RYR2: variants seen among roughly 807,000 people sequenced by gnomAD.
The protein encoded by RYR2 is cardiac muscle ryanodine receptor-calcium release channel.
Under a neutral mutation model 601.1 loss-of-function variants are expected in RYR2, and 227 were observed. The observed-to-expected ratio is 0.38, with a 90% CI of 0.34 to 0.42. The LOEUF is 0.42. Among genes scored for constraint, RYR2 ranks in the 10% least tolerant of loss-of-function variants. The probability of loss-of-function intolerance (pLI) is 1.00; values close to 1 mark genes in which losing one functional copy is unlikely to be tolerated. For synonymous variants in RYR2, 2,223 were observed against 2,175.1 expected (o/e 1.02, Z -0.61); for missense variants, 4,646 against 6,156.5 (o/e 0.75, Z 8.21).
chr1:237,250,573 G>C (rs6428999), intron 1 of RYR2, among the ~76,000 whole-genome samples: 2 of 151,896 alleles, frequency 1.3e-5, no homozygotes, highest in South Asian at 2.1e-4. Flanking sequence ...TCCCTGTCTC[G>C]TATTCCTCAA....
chr1:237,752,723 A>C (rs1692636016), intron 80 of RYR2, among the ~76,000 whole-genome samples: 1 of 152,212 alleles, frequency 6.6e-6, no homozygotes, highest in South Asian at 2.1e-4. Context: ...CATTGTCCCC[A>C]TTGTTATCCA....
chr1:237,405,248 A>G (rs1703745216), intron 10 of RYR2, among the ~76,000 whole-genome samples: 1 of 152,232 alleles, frequency 6.6e-6, no homozygotes, highest in Non-Finnish European at 1.5e-5. Flanking sequence ...CAAAGGATGC[A>G]ACTGCCAGTG....
At chr1:237,560,442 C>G (rs61832596) in intron 27 of RYR2, among the ~76,000 whole-genome samples, 41,949 of 152,102 alleles carry the variant, frequency 0.28, 6,090 homozygotes, top group South Asian at 0.39. Context: ...TGACAGTTAT[C>G]TGGGAACTGG....
At position 237,674,812 on chromosome 1, in the gene RYR2, T is replaced by G. The variant is rs749392247; in HGVS notation, c.8796T>G (p.Tyr2932Ter). Residue 2932 changes from tyrosine to a stop codon, truncating the protein, a stop_gained, in exon 60 of 105, where the codon TAT (tyrosine) becomes TAG (stop). Coordinates refer to ENST00000366574, the MANE Select transcript of RYR2 (RefSeq NM_001035.3). LOFTEE classifies it high-confidence loss of function. ...GTTTCCTCCAACAACTCATTCGCTA[T>G]GTGGATGAAGCCCATCAGTATATCC... Reference protein sequence around the residue: ...AYSFLQQLIRYVDEAHQYILE... With the variant: ...AYSFLQQLIR The G allele has an allele frequency of 6.2e-7, 1 of 1,610,308 alleles. No homozygotes were observed.
chr1:237,046,830 G>C (rs1256679477), intron 1 of RYR2, among the ~76,000 whole-genome samples: 2 of 152,188 alleles, frequency 1.3e-5, no homozygotes, highest in African/African-American at 4.8e-5. Context: ...GTGGGAATTA[G>C]ATTAATTCAG....
intron 103 of RYR2, among the ~76,000 whole-genome samples, chr1:237,831,108 C>G (rs1322550957): frequency 6.6e-6 from 1 of 152,028 alleles, no homozygotes; most frequent in Non-Finnish European, 1.5e-5. Flanking sequence ...TGGTAAAATG[C>G]TATTCTTACT....
At position 237,832,990 on chromosome 1, in the gene RYR2, CA is replaced by C; in HGVS notation, c.*344del. 2.2e-5 allele frequency: 4 copies of C among 178,692 alleles called. No homozygotes were observed. The highest frequency in any genetic ancestry group is 2.9e-4 in the South Asian group (2 of 6,888). 11.1% of individuals were successfully genotyped at this position (178,692 alleles called of 1,614,324 possible). A position where few individuals can be genotyped will look rare whatever the true frequency, so the allele number is the denominator to read the frequency against. On this transcript the variant is annotated 3_prime_UTR_variant, in exon 105 of 105. Coordinates refer to ENST00000366574, the MANE Select transcript of RYR2 (RefSeq NM_001035.3). ...ACGAGACCTTCACAGAGACACGTGG[CA>C]GCCACACTCACCCAGCCTCTTTATT... is the stretch of plus-strand genomic sequence containing the variant.
intron 2 of RYR2, among the ~76,000 whole-genome samples, chr1:237,307,109 ATTTTC>A (rs1693954682): frequency 6.6e-6 from 1 of 152,058 alleles, no homozygotes; most frequent in Admixed American, 6.6e-5. Flanking sequence ...TTGAGCTTGT[ATTTTC>A]TTTTCTACGT....
intron 1 of RYR2, among the ~76,000 whole-genome samples, chr1:237,111,370 T>C (rs1669443237): frequency 6.6e-6 from 1 of 152,092 alleles, no homozygotes. Flanking sequence ...GGTGGATCAC[T>C]TGAGGTCAGG....
Position 237,828,458 on chromosome 1 carries a change from A to G in RYR2, c.14655+13A>G, listed in dbSNP as rs1245399856. The G allele has an allele frequency of 5.8e-6, 9 of 1,540,062 alleles. No homozygotes were observed. In the East Asian group the frequency reaches 1.7e-4, roughly 29 times the overall value. On this transcript the variant is annotated intron_variant, in intron 102 of 104. Coordinates refer to ENST00000366574, the MANE Select transcript of RYR2 (RefSeq NM_001035.3). Reference sequence around the variant, plus strand: ...AGAAGACATGGAGGTAAGCTTCTCCATTCATGACTCAGCTTCTTTGTTGTC... The same window carrying G: ...AGAAGACATGGAGGTAAGCTTCTCCGTTCATGACTCAGCTTCTTTGTTGTC...
chr1:237,158,925 T>G (rs541629367), intron 1 of RYR2, among the ~76,000 whole-genome samples: 54 of 152,356 alleles, frequency 3.5e-4, no homozygotes, highest in African/African-American at 1.3e-3. Flanking sequence ...TGATGTGATG[T>G]GATCTGGCAG....
rs767802665 is a variant in RYR2, at chr1:237,288,538, C to T, written c.168+17922C>T. 1.4e-3 allele frequency among the ~76,000 whole-genome samples: 214 copies of T among 151,898 alleles called. 2 individuals are homozygous for T. The highest frequency in any genetic ancestry group is 1.4e-3 in the Non-Finnish European group (92 of 67,906). ...TACCTAGGTTACTGGAGTTGTGTACCTAGGAGGATTATGGCTGCCTCTGCT... is the reference window on the plus strand; with the variant it reads ...TACCTAGGTTACTGGAGTTGTGTACTTAGGAGGATTATGGCTGCCTCTGCT... On this transcript the variant is annotated intron_variant, in intron 2 of 104. Coordinates refer to ENST00000366574, the MANE Select transcript of RYR2 (RefSeq NM_001035.3).
intron 51 of RYR2, among the ~76,000 whole-genome samples, chr1:237,652,022 C>T (rs564810086): frequency 3.6e-4 from 54 of 151,312 alleles, no homozygotes; most frequent in East Asian, 2.0e-4. Context: ...GGTGACAGAG[C>T]GAGACTCCGT....
intron 1 of RYR2, among the ~76,000 whole-genome samples, chr1:237,155,179 CT>C (rs11412062): frequency 5.5e-5 from 7 of 127,602 alleles, no homozygotes; most frequent in Admixed American, 9.0e-5. Flanking sequence ...TTTTTCTTTT[CT>C]TTTTTTTTTT....
rs372948056 is a variant in RYR2 at position 237,336,782 on chromosome 1, A to G, written c.273+5800A>G. On this transcript the variant is annotated intron_variant, in intron 3 of 104. Transcript: ENST00000366574. ...TGAAGCAAGAGAATCGCTTGAACCCAGGAGATGGAGGTTGTAGAGAGCAGA... is the reference window on the plus strand; with the variant it reads ...TGAAGCAAGAGAATCGCTTGAACCCGGGAGATGGAGGTTGTAGAGAGCAGA... Among the ~76,000 whole-genome samples, 712 of 152,034 alleles carry G rather than the reference A, an allele frequency of 4.7e-3. 7 individuals are homozygous for G. Among genetic ancestry groups the G allele is most frequent in the African/African-American group, 0.016 (679 of 41,510 alleles).
At chr1:237,307,664 C>G (rs998138854) in intron 2 of RYR2, among the ~76,000 whole-genome samples, 3 of 152,142 alleles carry the variant, frequency 2.0e-5, no homozygotes, top group African/African-American at 7.2e-5. Flanking sequence ...CTGAAATATT[C>G]AGTGCTTTGA....
chr1:237,590,589 G>A, intron 30 of RYR2, 51 bp from the exon 31 acceptor site: 3 of 1,424,568 alleles, frequency 2.1e-6, no homozygotes, highest in African/African-American at 1.4e-5. Context: ...TTAGAATCAG[G>A]AAATTGACAA....
At chr1:237,191,814 T>C (rs1679994372) in intron 1 of RYR2, among the ~76,000 whole-genome samples, 1 of 152,228 alleles carries the variant, frequency 6.6e-6, no homozygotes, top group Non-Finnish European at 1.5e-5. Context: ...AAATGACTAA[T>C]GGAAATTTTT....
At chr1:237,581,182 A>G (rs1673877973) in intron 29 of RYR2, among the ~76,000 whole-genome samples, 1 of 152,202 alleles carries the variant, frequency 6.6e-6, no homozygotes, top group Non-Finnish European at 1.5e-5. Flanking sequence ...TGGTAAAAGA[A>G]CGGTTATTTA....
Sources: allele counts gnomAD v4.1 joint callset (sites outside exome capture counted in the v4.1 genomes callset), GRCh38; gene constraint gnomAD v4.1.1; transcripts MANE v1.5; gene names NCBI Gene and HGNC (gene_info 2026-07-23, HGNC 2026-07-21).